MED13L: variants seen among roughly 807,000 people sequenced by gnomAD.
MED13L encodes the protein mediator complex subunit 13L.
Under a neutral mutation model 220.9 loss-of-function variants are expected in MED13L, and 7 were observed. That is an observed-to-expected ratio of 0.03 (90% CI 0.02 to 0.06). The LOEUF (loss-of-function observed/expected upper bound fraction) is 0.06, where lower values mean the gene tolerates loss of function less well. MED13L is among the 10% of genes least tolerant of loss of function. The pLI is 1.00. For synonymous variants in MED13L, 1,011 were observed against 1,015.2 expected, an observed-to-expected ratio of 1.00 and a Z score of 0.08; for missense variants, 1,965 against 2,760.5, an observed-to-expected ratio of 0.71 and a Z score of 6.46.
Position 116,102,710 on chromosome 12 carries a change from C to CTTTTTTTTTTTTTTTTTT in MED13L, c.396-5976_396-5959dup, listed in dbSNP as rs869201518. 1.2e-3 allele frequency among the ~76,000 whole-genome samples: 81 copies of CTTTTTTTTTTTTTTTTTT among 68,684 alleles called. 2 individuals are homozygous for CTTTTTTTTTTTTTTTTTT. The highest frequency in any genetic ancestry group is 1.7e-3 in the South Asian group (3 of 1,784). The allele number at this position is 68,684 out of a possible 152,430, so 45.1% of individuals were successfully genotyped here. A position where few individuals can be genotyped will look rare whatever the true frequency, so the allele number is the denominator to read the frequency against. Reference sequence around the variant, plus strand: ...TATTTTCTTTTTCTTTTTCTTTTTTCTTTTTTTTTTTTTTTTTTTTTTTTT... The same window carrying CTTTTTTTTTTTTTTTTTT: ...TATTTTCTTTTTCTTTTTCTTTTTTCTTTTTTTTTTTTTTTTTTTTTTTTTTTTTTTTTTTTTTTTTTT... On this transcript the variant is annotated intron_variant, in intron 3 of 30. Coordinates refer to ENST00000281928, the MANE Select transcript of MED13L (RefSeq NM_015335.5).
At chr12:116,051,320 T>A (rs1037913811) in intron 4 of MED13L, among the ~76,000 whole-genome samples, 1 of 151,796 alleles carries the variant, frequency 6.6e-6, no homozygotes, top group African/African-American at 2.4e-5. Context: ...TTGATAACAA[T>A]AGAAATGAAT....
chr12:116,206,174 G>A (rs1214348201), intron 2 of MED13L, among the ~76,000 whole-genome samples: 1 of 143,686 alleles, frequency 7.0e-6, no homozygotes, highest in Non-Finnish European at 1.5e-5. Flanking sequence ...TCCTCCTCCT[G>A]GGTTCAAGCA....
chr12:116,232,405 T>C (rs890170953), intron 2 of MED13L, among the ~76,000 whole-genome samples: 2 of 152,188 alleles, frequency 1.3e-5, no homozygotes, highest in Non-Finnish European at 2.9e-5. Context: ...GTAGAAAATA[T>C]ACCCCAAAAA....
chr12:116,105,489 T>A (rs1048140970), intron 3 of MED13L, among the ~76,000 whole-genome samples: 3 of 152,220 alleles, frequency 2.0e-5, no homozygotes, highest in Non-Finnish European at 4.4e-5. Context: ...AAAATAAGTG[T>A]AATTGCATGA....
Position 115,983,373 on chromosome 12 carries a change from T to C in MED13L, c.4699A>G (p.Asn1567Asp), listed in dbSNP as rs1197363993. 6.2e-7 allele frequency: 1 copy of C among 1,614,164 alleles called. No individual in the cohort carries two copies. The highest frequency in any genetic ancestry group is 1.7e-5 in the Admixed American group (1 of 60,022). Residue 1567 changes from asparagine to aspartate, a missense_variant, in exon 21 of 31, where the codon AAT (asparagine) becomes GAT (aspartate). By Grantham distance (23) the Asn-to-Asp change is conservative. Around this residue, in one of 10 missense-constraint regions of MED13L, gnomAD observed 510 missense variants for 620.4 expected, o/e 0.82. Coordinates refer to ENST00000281928, the MANE Select transcript of MED13L (RefSeq NM_015335.5). ...PAGSAFNPTS[N>D]SSSTNPAASS... is the part of the protein sequence containing the mutation. ...GCTGCAGGATTTGTAGAACTACTAT[T>C]CGAGGTGGGATTAAATGCACTGCCA... is the stretch of plus-strand genomic sequence containing the variant.
chr12:116,092,428 G>A (rs1434128282), intron 4 of MED13L, among the ~76,000 whole-genome samples: 1 of 152,172 alleles, frequency 6.6e-6, no homozygotes, highest in Non-Finnish European at 1.5e-5. Context: ...GTTTGCCCAT[G>A]AGTCAGTGAT....
intron 4 of MED13L, among the ~76,000 whole-genome samples, chr12:116,048,285 CTG>C (rs537973185): frequency 3.9e-4 from 59 of 152,198 alleles, no homozygotes; most frequent in African/African-American, 1.3e-3. Context: ...TCAGAAGACA[CTG>C]TATATTACAG....
chr12:115,987,375 C>A, intron 17 of MED13L, 87 bp from the exon 18 acceptor site: 1 of 1,261,976 alleles, frequency 7.9e-7, no homozygotes, highest in Non-Finnish European at 1.1e-6. Flanking sequence ...CAGTTATATT[C>A]AGAACAATGA....
At chr12:116,273,340 T>C (rs1873546836) in intron 1 of MED13L, among the ~76,000 whole-genome samples, 1 of 151,888 alleles carries the variant, frequency 6.6e-6, no homozygotes, top group Non-Finnish European at 1.5e-5. Context: ...AAATGAACCA[T>C]CATGGAAAAA....
At chr12:116,102,407 T>A (rs556891287) in intron 3 of MED13L, among the ~76,000 whole-genome samples, 31 of 152,178 alleles carry the variant, frequency 2.0e-4, no homozygotes, top group Non-Finnish European at 4.1e-4. Context: ...TATTTAAGTA[T>A]GACGGTTTTC....
At chr12:116,064,421 G>A (rs1869756405) in intron 4 of MED13L, among the ~76,000 whole-genome samples, 1 of 152,120 alleles carries the variant, frequency 6.6e-6, no homozygotes, top group African/African-American at 2.4e-5. Flanking sequence ...TGAATCCTTG[G>A]AGGCAGAACC....
intron 4 of MED13L, among the ~76,000 whole-genome samples, chr12:116,056,358 G>T (rs1483393764): frequency 6.6e-6 from 1 of 151,780 alleles, no homozygotes; most frequent in Non-Finnish European, 1.5e-5. Context: ...GCTCACTGCA[G>T]CCTCAACCTC....
chr12:116,100,385 G>T (rs1872966302), intron 3 of MED13L, among the ~76,000 whole-genome samples: 1 of 151,868 alleles, frequency 6.6e-6, no homozygotes, highest in Non-Finnish European at 1.5e-5. Context: ...GATCACCTGA[G>T]GTCAGGAGTT....
At chr12:116,272,143 G>A (rs1359074118) in intron 1 of MED13L, among the ~76,000 whole-genome samples, 1 of 152,072 alleles carries the variant, frequency 6.6e-6, no homozygotes, top group Non-Finnish European at 1.5e-5. Context: ...ATTGAGATGA[G>A]TTTCATCTCA....
At chr12:116,174,929 G>C (rs1304835789) in intron 2 of MED13L, 1 of 152,278 alleles carries the variant, frequency 6.6e-6, no homozygotes, top group Non-Finnish European at 1.5e-5. Context: ...AATTAGGCGG[G>C]AGCAGCGATG....
At chr12:115,989,973 GCTT>G (rs535188408) in intron 17 of MED13L, among the ~76,000 whole-genome samples, 127 of 152,270 alleles carry the variant, frequency 8.3e-4, no homozygotes, top group African/African-American at 3.0e-3. Context: ...TGACATCAGT[GCTT>G]CTTCTTAAAA....
At chr12:116,189,327 C>T (rs1226974108) in intron 2 of MED13L, among the ~76,000 whole-genome samples, 2 of 151,872 alleles carry the variant, frequency 1.3e-5, no homozygotes, top group African/African-American at 4.8e-5. Flanking sequence ...GTATCTTTTG[C>T]CCATCTTCTA....
chr12:116,210,152 CAGTT>C (rs1346210428), intron 2 of MED13L, among the ~76,000 whole-genome samples: 2 of 152,122 alleles, frequency 1.3e-5, no homozygotes, highest in South Asian at 4.1e-4. Flanking sequence ...TGGTTATACT[CAGTT>C]AGCAGAGGCA....
At chr12:116,101,667 G>T (rs1360188297) in intron 3 of MED13L, among the ~76,000 whole-genome samples, 1 of 152,166 alleles carries the variant, frequency 6.6e-6, no homozygotes, top group East Asian at 1.9e-4. Context: ...ATGCTTTAAT[G>T]ATATTTTAAA....
Sources: allele counts gnomAD v4.1 joint callset (sites outside exome capture counted in the v4.1 genomes callset), GRCh38; gene constraint gnomAD v4.1.1; regional missense constraint gnomAD v4.1.1; transcripts MANE v1.5; gene names NCBI Gene and HGNC (gene_info 2026-07-23, HGNC 2026-07-21).